The following HAAO variants were observed in gnomAD, a reference collection of about 807,000 sequenced individuals.
The protein encoded by HAAO is 3-hydroxyanthranilate 3,4-dioxygenase.
In HAAO, 49 loss-of-function variants were observed where a neutral mutation model predicts 46.2. That is an observed-to-expected ratio of 1.06 (90% CI 0.84 to 1.34). HAAO has a LOEUF of 1.34. HAAO is among the 40% of genes most tolerant of loss of function. HAAO has a pLI of 0.00. For missense variants in HAAO, 408 were observed against 364.5 expected, an observed-to-expected ratio of 1.12 and a Z score of -0.97; for synonymous variants, 157 against 145.2, an observed-to-expected ratio of 1.08 and a Z score of -0.58.
At position 42,767,388 on chromosome 2, in the gene HAAO, T is replaced by C; in HGVS notation, c.*49A>G. 1 of 1,340,110 alleles carries C rather than the reference T, an allele frequency of 7.5e-7. No homozygotes were observed. The highest frequency in any genetic ancestry group is 1.1e-6 in the Non-Finnish European group (1 of 937,726). The allele number at this position is 1,340,110 out of a possible 1,614,324, so 83.0% of individuals were successfully genotyped here. A position where few individuals can be genotyped will look rare whatever the true frequency, so the allele number is the denominator to read the frequency against. On this transcript the variant is annotated 3_prime_UTR_variant, in exon 10 of 10. Coordinates refer to ENST00000294973, the MANE Select transcript of HAAO (RefSeq NM_012205.3). ...GAGAGTTGTTTGGCAGGGATGGCAC[T>C]CGAGGGTGCTTGGCACACCTGTGGC...
chr2:42,780,427 C>T (rs979377337), intron 4 of HAAO, among the ~76,000 whole-genome samples: 6 of 151,654 alleles, frequency 4.0e-5, no homozygotes, highest in East Asian at 2.0e-4. Flanking sequence ...AGAATGGTCT[C>T]GATCTCTTGA....
chr2:42,772,286 G>C (rs1466943142), intron 4 of HAAO, among the ~76,000 whole-genome samples: 9 of 152,142 alleles, frequency 5.9e-5, no homozygotes, highest in Admixed American at 2.6e-4. Flanking sequence ...TTCGAGACCA[G>C]CCTGGCCAAC....
Position 42,767,893 on chromosome 2 carries a change from C to G in HAAO, c.666G>C (p.Leu222=), listed in dbSNP as rs1165195172. ...ACAGCCACACGTCCACATTCTGTCT[C>G]AGGCCTTCGCTGCTGCCTTGCCCAT... ...IAYGQGSSEG[L]RQNVDVWLWQ... Residue 222 remains leucine (L), a synonymous_variant, in exon 8 of 10, where the codon CTG becomes CTC. Coordinates refer to ENST00000294973, the MANE Select transcript of HAAO (RefSeq NM_012205.3). The G allele has an allele frequency of 6.2e-7, 1 of 1,614,048 alleles. No homozygotes were observed. Among genetic ancestry groups the G allele is most frequent in the Admixed American group, 1.7e-5 (1 of 60,022 alleles).
rs1354854397 is a variant in HAAO at position 42,771,820 on chromosome 2, G to C, written c.351-1238C>G. ...AAAAGAGATGTGGTCCCGCTGGTGG[G>C]AGATGCTTTACAGACACACAGTGCA... On this transcript the variant is annotated intron_variant, in intron 4 of 9. Transcript: ENST00000294973. 9.8e-5 allele frequency among the ~76,000 whole-genome samples: 15 copies of C among 152,378 alleles called. No homozygotes were observed. The East Asian group carries it at 2.9e-3, about 29-fold the overall frequency.
At chr2:42,772,857 T>A (rs1349370394) in intron 4 of HAAO, among the ~76,000 whole-genome samples, 3 of 150,568 alleles carry the variant, frequency 2.0e-5, no homozygotes, top group Non-Finnish European at 4.4e-5. Context: ...GAATTTTTTT[T>A]AGTTAAAAAA....
At chr2:42,778,579 C>T (rs1209570620) in intron 4 of HAAO, among the ~76,000 whole-genome samples, 2 of 152,116 alleles carry the variant, frequency 1.3e-5, no homozygotes, top group Non-Finnish European at 2.9e-5. Flanking sequence ...TTGCCTGTCT[C>T]GGCCTCCCAA....
chr2:42,789,074 AGACCGT>A (rs891032219), intron 1 of HAAO: 7 of 186,760 alleles, frequency 3.7e-5, no homozygotes, highest in Admixed American at 1.6e-4. Context: ...TGGATGCAGG[AGACCGT>A]GACATCTAGC....
intron 4 of HAAO, among the ~76,000 whole-genome samples, chr2:42,772,882 A>G (rs982714119): frequency 2.7e-5 from 4 of 150,654 alleles, no homozygotes; most frequent in African/African-American, 9.8e-5. Flanking sequence ...ACAAATAATG[A>G]TCACGCCACT....
At chr2:42,776,795 C>G (rs542197845) in intron 4 of HAAO, among the ~76,000 whole-genome samples, 15 of 151,470 alleles carry the variant, frequency 9.9e-5, no homozygotes, top group African/African-American at 2.9e-4. Flanking sequence ...CCACGCCCAG[C>G]TAATTTTTTT....
chr2:42,786,175 A>G (rs1672372227), intron 2 of HAAO, among the ~76,000 whole-genome samples: 1 of 152,052 alleles, frequency 6.6e-6, no homozygotes, highest in Admixed American at 6.6e-5. Context: ...TTACTGCCTT[A>G]CTGGGCAGGC....
intron 4 of HAAO, among the ~76,000 whole-genome samples, chr2:42,775,859 T>A (rs1400968284): frequency 1.1e-5 from 1 of 93,076 alleles, no homozygotes; most frequent in Non-Finnish European, 1.9e-5. Flanking sequence ...TATTGTGTTA[T>A]CCTTTTTTTT....
At chr2:42,783,485 A>G in intron 3 of HAAO, 65 bp from the exon 4 acceptor site, 1 of 1,050,560 alleles carries the variant, frequency 9.5e-7, no homozygotes, top group Non-Finnish European at 1.4e-6. Flanking sequence ...TAGCGCCCCC[A>G]ACATCCTGGG....
chr2:42,775,452 G>T (rs904744914), intron 4 of HAAO, among the ~76,000 whole-genome samples: 1 of 152,006 alleles, frequency 6.6e-6, no homozygotes, highest in Non-Finnish European at 1.5e-5. Context: ...CTGAAATACG[G>T]TAATGAGATT....
chr2:42,789,822 T>C (rs1160681051), intron 1 of HAAO, among the ~76,000 whole-genome samples: 2 of 152,210 alleles, frequency 1.3e-5, no homozygotes, highest in African/African-American at 4.8e-5. Context: ...CAGCACCTCC[T>C]GAGAACAGCC....
chr2:42,769,578 TGTGTGTGTGTG>T, intron 7 of HAAO, 124 bp downstream of exon 7: 1 of 114,256 alleles, frequency 8.8e-6, no homozygotes, highest in African/African-American at 2.8e-4. Flanking sequence ...AATGTGTGTG[TGTGTGTGTGTG>T]TGTGTGTGTG....
Position 42,778,885 on chromosome 2 carries a change from G to A in HAAO, c.350+4429C>T, listed in dbSNP as rs1416470049. On this transcript the variant is annotated intron_variant, in intron 4 of 9. Transcript: ENST00000294973. ...TTCCAGCACTTTGGGAGGCTGGGGT[G>A]GGTGGATCATGTAAGGTCAGGAGTT... is the stretch of plus-strand genomic sequence containing the variant. Among the ~76,000 whole-genome samples the A allele has an allele frequency of 2.6e-5, 4 of 152,214 alleles. No individual in the cohort carries two copies. The East Asian group carries it at 7.7e-4, about 29-fold the overall frequency.
chr2:42,782,892 G>A, intron 4 of HAAO: 1 of 460,938 alleles, frequency 2.2e-6, no homozygotes, highest in Non-Finnish European at 4.4e-6. Context: ...TCCCTAAAAT[G>A]TATAAAGCCG....
chr2:42,792,217 A>G (rs967653134), intron 1 of HAAO, among the ~76,000 whole-genome samples: 1 of 152,178 alleles, frequency 6.6e-6, no homozygotes, highest in African/African-American at 2.4e-5. Context: ...GTCATCTCCT[A>G]CAGCCTGAGA....
chr2:42,792,040 G>T (rs865786064), intron 1 of HAAO, among the ~76,000 whole-genome samples: 1 of 152,100 alleles, frequency 6.6e-6, no homozygotes, highest in Non-Finnish European at 1.5e-5. Flanking sequence ...GTGGCTTCTG[G>T]GACAGGGTTG....
Sources: gnomAD v4.1 joint callset for allele counts (sites outside exome capture counted in the v4.1 genomes callset) on GRCh38, gnomAD v4.1.1 for gene constraint, MANE v1.5 for transcripts, NCBI Gene and HGNC (gene_info 2026-07-23, HGNC 2026-07-21) for gene names.